The following PCDHGA8 variants were observed in gnomAD, a reference collection of about 807,000 sequenced individuals.
PCDHGA8 encodes the protein protocadherin gamma-A8.
PCDHGA8 carries 45 observed loss-of-function variants against 59.2 expected under a neutral mutation model. That is an observed-to-expected ratio of 0.76 (90% CI 0.60 to 0.98). PCDHGA8 has a LOEUF of 0.98. Among genes scored for constraint, PCDHGA8 ranks in the 50% least tolerant of loss-of-function variants. PCDHGA8 has a pLI of 0.00. For missense variants in PCDHGA8, 1,257 were observed against 1,196.2 expected, an observed-to-expected ratio of 1.05 and a Z score of -0.75; for synonymous variants, 531 against 519.0, an observed-to-expected ratio of 1.02 and a Z score of -0.32.
Position 141,477,350 on chromosome 5 carries a change from A to G in PCDHGA8, c.2425-17457A>G. The G allele has an allele frequency of 6.2e-7, 1 of 1,614,142 alleles. No individual in the cohort carries two copies. Among genetic ancestry groups the G allele is most frequent in the Non-Finnish European group, 8.5e-7 (1 of 1,180,016 alleles). On this transcript the variant is annotated intron_variant, in intron 1 of 3. Transcript: ENST00000398604. The surrounding 1 kb of genome is among the most constrained non-coding windows in gnomAD (Gnocchi z 4.9). ...CAAGAATTACTTCACTTTGAAAACC[A>G]GTGCAGACCTGGATCGGGAGACTGT...
intron 1 of PCDHGA8, among the ~76,000 whole-genome samples, chr5:141,456,808 C>CA (rs1316636483): frequency 6.6e-5 from 10 of 151,878 alleles, no homozygotes; most frequent in Admixed American, 6.6e-4. Flanking sequence ...ACTAAAAATA[C>CA]AAAAAATTAG....
rs539406412 is a variant in PCDHGA8, at chr5:141,427,895, G to A, written c.2424+32658G>A. ...CGATGCAGGCCCACGACCAGGGCTCGCCCGCGCTCAGCGCCAACATGAGCC... is the reference window on the plus strand; with the variant it reads ...CGATGCAGGCCCACGACCAGGGCTCACCCGCGCTCAGCGCCAACATGAGCC... On this transcript the variant is annotated intron_variant, in intron 1 of 3. Transcript: ENST00000398604. 373 of 1,569,222 alleles carry A rather than the reference G, an allele frequency of 2.4e-4. 2 individuals are homozygous for A. In the South Asian group the frequency reaches 3.9e-3, roughly 17 times the overall value.
Position 141,392,848 on chromosome 5 carries a change from A to C in PCDHGA8, c.35A>C (p.Glu12Ala), listed in dbSNP as rs374832992. The change falls in exon 1 of 4, where the codon GAG becomes GCG. Residue 12 changes from glutamate (E) to alanine (A), a missense_variant. By Grantham distance (107) the Glu-to-Ala change is moderately radical. Transcript: ENST00000398604. Reference sequence around the variant, plus strand: ...CCACAGAGTCGCCCCAGACGCGGCGAGCTGATCCTGCTGTGCGCGCTGCTG... The same window carrying C: ...CCACAGAGTCGCCCCAGACGCGGCGCGCTGATCCTGCTGTGCGCGCTGCTG... ...AAPQSRPRRG[E>A]LILLCALLGT... is the part of the protein sequence containing the mutation. 1.2e-6 allele frequency: 2 copies of C among 1,610,796 alleles called. No individual in the cohort carries two copies. Among genetic ancestry groups the C allele is most frequent in the Non-Finnish European group, 1.7e-6 (2 of 1,178,678 alleles).
At chr5:141,436,611 C>T (rs893312137) in intron 1 of PCDHGA8, among the ~76,000 whole-genome samples, 1 of 152,126 alleles carries the variant, frequency 6.6e-6, no homozygotes, top group Non-Finnish European at 1.5e-5. Context: ...CTAGGGCTAA[C>T]AAAAATCTGA....
intron 1 of PCDHGA8, chr5:141,422,314 C>T: frequency 6.5e-7 from 1 of 1,547,838 alleles, no homozygotes; most frequent in Non-Finnish European, 8.7e-7. Context: ...AAACTCTCCT[C>T]CAGGTACAGT....
At chr5:141,409,620 A>C in intron 1 of PCDHGA8, 2 of 1,613,876 alleles carry the variant, frequency 1.2e-6, no homozygotes, top group Non-Finnish European at 1.7e-6. Flanking sequence ...TCCATTGCGC[A>C]AGTGAGCGCC....
Position 141,422,436 on chromosome 5 carries a change from C to T in PCDHGA8, c.2424+27199C>T, listed in dbSNP as rs200737047. The T allele has an allele frequency of 1.2e-5, 20 of 1,609,634 alleles. No homozygotes were observed. The East Asian group carries it at 4.0e-4, about 32-fold the overall frequency. On this transcript the variant is annotated intron_variant, in intron 1 of 3. Coordinates refer to ENST00000398604, the MANE Select transcript of PCDHGA8 (RefSeq NM_032088.2). The stretch of plus-strand genomic sequence containing the variant: ...TAGAAAAGACTTATGGAAATTATTA[C>T]AAATTGATAACAAGCAGAGTGCTGG...
chr5:141,422,115 T>C, intron 1 of PCDHGA8: 1 of 1,605,004 alleles, frequency 6.2e-7, no homozygotes, highest in South Asian at 1.1e-5. Context: ...TCCAATTGGA[T>C]TCACAAACTG....
At chr5:141,401,677 G>C (rs1017959276) in intron 1 of PCDHGA8, among the ~76,000 whole-genome samples, 2 of 152,184 alleles carry the variant, frequency 1.3e-5, no homozygotes, top group Non-Finnish European at 2.9e-5. Flanking sequence ...CATCCTTGTA[G>C]GATGGAAGGT....
chr5:141,496,152 C>T (rs771462960), intron 2 of PCDHGA8, among the ~76,000 whole-genome samples: 2 of 152,080 alleles, frequency 1.3e-5, no homozygotes, highest in Non-Finnish European at 1.5e-5. Flanking sequence ...GATCGCAGCT[C>T]TCCACCAGAC....
At chr5:141,410,849 C>CTTGTTTTTTTTTTTTTTT (rs2095431880) in intron 1 of PCDHGA8, 1 of 129,786 alleles carries the variant, frequency 7.7e-6, no homozygotes, top group African/African-American at 6.0e-5. Context: ...TTGTCTTTGT[C>CTTGTTTTTTTTTTTTTTT]TTTTTTTTTT....
Position 141,477,898 on chromosome 5 carries a change from A to G in PCDHGA8, c.2425-16909A>G. 1 of 1,614,158 alleles carries G rather than the reference A, an allele frequency of 6.2e-7. No homozygotes were observed. Among genetic ancestry groups the G allele is most frequent in the Middle Eastern group, 1.6e-4 (1 of 6,062 alleles). ...CTGGCCACCTAGTGTCACGGGTGGTAGGCTGGGACGCGGATGCAGGGCACA... is the reference window on the plus strand; with the variant it reads ...CTGGCCACCTAGTGTCACGGGTGGTGGGCTGGGACGCGGATGCAGGGCACA... On this transcript the variant is annotated intron_variant, in intron 1 of 3. Coordinates refer to ENST00000398604, the MANE Select transcript of PCDHGA8 (RefSeq NM_032088.2). This position sits in a 1 kb window ranked among gnomAD's most constrained non-coding sequence, Gnocchi z 4.9.
At chr5:141,457,881 G>T (rs2098931594) in intron 1 of PCDHGA8, among the ~76,000 whole-genome samples, 2 of 152,230 alleles carry the variant, frequency 1.3e-5, no homozygotes, top group African/African-American at 4.8e-5. Context: ...TAGGAACCCT[G>T]TGTGGGGACT....
rs894528472 is a variant in PCDHGA8 at position 141,489,718 on chromosome 5, C to A, written c.2425-5089C>A. 6.2e-7 allele frequency: 1 copy of A among 1,614,038 alleles called. No individual in the cohort carries two copies. Among genetic ancestry groups the A allele is most frequent in the African/African-American group, 1.3e-5 (1 of 74,934 alleles). ...ATTCCCACTGGACAGTGCCCAGGATCCGGATGTGGGCACCAATACTGTGAG... is the reference window on the plus strand; with the variant it reads ...ATTCCCACTGGACAGTGCCCAGGATACGGATGTGGGCACCAATACTGTGAG... On this transcript the variant is annotated intron_variant, in intron 1 of 3. Coordinates refer to ENST00000398604, the MANE Select transcript of PCDHGA8 (RefSeq NM_032088.2). This position sits in a 1 kb window ranked among gnomAD's most constrained non-coding sequence, Gnocchi z 4.5.
intron 1 of PCDHGA8, chr5:141,426,732 C>T (rs576525011): frequency 2.7e-4 from 123 of 448,642 alleles, no homozygotes; most frequent in African/African-American, 2.2e-3. Context: ...TCCAGGCATT[C>T]GGTTTGGCCT....
intron 1 of PCDHGA8, chr5:141,417,503 T>G (rs1171198405): frequency 8.7e-6 from 2 of 229,844 alleles, no homozygotes; most frequent in East Asian, 1.9e-4. Context: ...GGAAAAAGAT[T>G]AAAATATTTT....
chr5:141,458,612 C>T (rs1381385841), intron 1 of PCDHGA8, among the ~76,000 whole-genome samples: 1 of 152,084 alleles, frequency 6.6e-6, no homozygotes, highest in Non-Finnish European at 1.5e-5. Flanking sequence ...CTCTGTCAGC[C>T]AGGCTGGAGT....
chr5:141,506,801 C>A (rs1322016728), intron 3 of PCDHGA8, among the ~76,000 whole-genome samples: 2 of 152,166 alleles, frequency 1.3e-5, no homozygotes, highest in Non-Finnish European at 2.9e-5. Flanking sequence ...GGCAGAGGAT[C>A]AAGGCATTGC....
chr5:141,434,449 G>C (rs1392115883), intron 1 of PCDHGA8, among the ~76,000 whole-genome samples: 1 of 152,232 alleles, frequency 6.6e-6, no homozygotes, highest in Non-Finnish European at 1.5e-5. Context: ...ATGCTGGAAG[G>C]TAGTGGGTTT....
Sources: gnomAD v4.1 joint callset for allele counts (sites outside exome capture counted in the v4.1 genomes callset) on GRCh38, gnomAD v4.1.1 for gene constraint, Gnocchi (gnomAD v3.1) non-coding constraint, MANE v1.5 for transcripts, NCBI Gene and HGNC (gene_info 2026-07-23, HGNC 2026-07-21) for gene names.